Variants in RNF7 observed in about 807,000 individuals in gnomAD.
RNF7 encodes ring finger protein 7.
RNF7 carries 9 observed loss-of-function variants against 17.0 expected under a neutral mutation model. That is an observed-to-expected ratio of 0.53 (90% CI 0.32 to 0.92). The LOEUF (loss-of-function observed/expected upper bound fraction) is 0.92. RNF7 is among the 40% of genes least tolerant of loss of function. RNF7 has a pLI of 0.04. For synonymous variants in RNF7, 59 were observed against 50.5 expected (o/e 1.17, Z -0.72); for missense variants, 87 against 145.8 (o/e 0.60, Z 2.08).
chr3:141,744,418 G>A (rs1235967930), intron 2 of RNF7, among the ~76,000 whole-genome samples: 4 of 151,466 alleles, frequency 2.6e-5, no homozygotes, highest in African/African-American at 9.7e-5. Flanking sequence ...ATATAGCTCA[G>A]TTGATCAAGC....
intron 2 of RNF7, among the ~76,000 whole-genome samples, chr3:141,743,832 G>A (rs1462664060): frequency 6.6e-6 from 1 of 152,054 alleles, no homozygotes; most frequent in Non-Finnish European, 1.5e-5. Flanking sequence ...TTTCTATTAA[G>A]AAAATTATAA....
chr3:141,746,105 T>TA lies in RNF7; in HGVS notation c.*829dup, dbSNP rs992158394. On this transcript the variant is annotated 3_prime_UTR_variant, in exon 3 of 3. Coordinates refer to ENST00000273480, the MANE Select transcript of RNF7 (RefSeq NM_014245.5). ...GATTCTCCTGCCTCAGCCTCCCGAG[T>TA]AGCTGGGATTACAGGTGTGTGCCAC... The TA allele has an allele frequency of 2.6e-5, 4 of 151,814 alleles. No homozygotes were observed. Among genetic ancestry groups the TA allele is most frequent in the African/African-American group, 9.7e-5 (4 of 41,320 alleles). 9.4% of individuals were successfully genotyped at this position (151,814 alleles called of 1,614,324 possible). A position where few individuals can be genotyped will look rare whatever the true frequency, so the allele number is the denominator to read the frequency against.
Position 141,739,996 on chromosome 3 carries a change from A to G in RNF7, c.175+1480A>G, listed in dbSNP as rs536240769. ...CCTTGTTCCTGCCACTGCCACTGCC[A>G]CTATACTCCAGCTTGGGTGACAGAA... On this transcript the variant is annotated intron_variant, in intron 1 of 2. Coordinates refer to ENST00000273480, the MANE Select transcript of RNF7 (RefSeq NM_014245.5). Among the ~76,000 whole-genome samples, 341 of 152,260 alleles carry G rather than the reference A, an allele frequency of 2.2e-3. 1 individual carries two copies. Among genetic ancestry groups the G allele is most frequent in the African/African-American group, 7.8e-3 (323 of 41,550 alleles).
rs1427002380 is a variant in RNF7, at chr3:141,746,927, T to A, written c.*1650T>A. 1 of 152,256 alleles carries A rather than the reference T, an allele frequency of 6.6e-6. No individual in the cohort carries two copies. The highest frequency in any genetic ancestry group is 1.5e-5 in the Non-Finnish European group (1 of 68,046). The allele number at this position is 152,256 out of a possible 1,614,324, so 9.4% of individuals were successfully genotyped here. A position where few individuals can be genotyped will look rare whatever the true frequency, so the allele number is the denominator to read the frequency against. ...TTGGCCATTTAAATGTTTATCATTG[T>A]GCAGTGAACTGTTTTAGTAACTTTC... On this transcript the variant is annotated 3_prime_UTR_variant, in exon 3 of 3. Coordinates refer to ENST00000273480, the MANE Select transcript of RNF7 (RefSeq NM_014245.5).
intron 1 of RNF7, 135 bp from the exon 2 acceptor site, chr3:141,743,374 T>C (rs528953784): frequency 1.7e-5 from 10 of 593,518 alleles, no homozygotes; most frequent in Admixed American, 6.5e-5. Flanking sequence ...TAAGTAGTTA[T>C]GTTCAGATGA....
At chr3:141,741,041 A>G (rs2084411117) in intron 1 of RNF7, among the ~76,000 whole-genome samples, 1 of 152,232 alleles carries the variant, frequency 6.6e-6, no homozygotes, top group Non-Finnish European at 1.5e-5. Flanking sequence ...AAAGGGGAAT[A>G]GGTTTGCTAG....
At chr3:141,743,972 T>G (rs1042270979) in intron 2 of RNF7, among the ~76,000 whole-genome samples, 1 of 152,172 alleles carries the variant, frequency 6.6e-6, no homozygotes, top group African/African-American at 2.4e-5. Context: ...AGTAGAAAAA[T>G]TCTAAGTCTC....
intron 1 of RNF7, chr3:141,742,955 AT>A (rs2084436100): frequency 4.0e-6 from 4 of 997,440 alleles, no homozygotes; most frequent in South Asian, 6.3e-5. Flanking sequence ...CAATTTTTTA[AT>A]TTAATTTTTT....
At chr3:141,742,617 C>G in intron 1 of RNF7, 1 of 1,177,964 alleles carries the variant, frequency 8.5e-7, no homozygotes, top group South Asian at 1.3e-5. Context: ...TATATAAATA[C>G]CTCACAGTAT....
Position 141,745,573 on chromosome 3 carries a change from C to T in RNF7, c.*296C>T, listed in dbSNP as rs1389734949. 1.8e-5 allele frequency: 3 copies of T among 170,874 alleles called. No homozygotes were observed. The East Asian group carries it at 4.7e-4, about 27-fold the overall frequency. 10.6% of individuals were successfully genotyped at this position (170,874 alleles called of 1,614,324 possible). A position where few individuals can be genotyped will look rare whatever the true frequency, so the allele number is the denominator to read the frequency against. On this transcript the variant is annotated 3_prime_UTR_variant, in exon 3 of 3. Coordinates refer to ENST00000273480, the MANE Select transcript of RNF7 (RefSeq NM_014245.5). Reference sequence around the variant, plus strand: ...AAAAGGAAAGAGCTCCAAATTGAATCACCTTTATAATTTACCCATTTCTAT... The same window carrying T: ...AAAAGGAAAGAGCTCCAAATTGAATTACCTTTATAATTTACCCATTTCTAT...
chr3:141,745,126 T>C, intron 2 of RNF7, 33 bp from the exon 3 acceptor site: 1 of 1,376,054 alleles, frequency 7.3e-7, no homozygotes, highest in African/African-American at 1.4e-5. Flanking sequence ...AATTGAAATA[T>C]GTAATGTCAA....
At chr3:141,743,397 A>G (rs1190407245) in intron 1 of RNF7, 112 bp from the exon 2 acceptor site, 2 of 700,456 alleles carry the variant, frequency 2.9e-6, no homozygotes, top group African/African-American at 1.8e-5. Context: ...AATTAATAGT[A>G]TGAGTCTTTA....
chr3:141,740,317 A>G (rs1464681438), intron 1 of RNF7, among the ~76,000 whole-genome samples: 2 of 152,168 alleles, frequency 1.3e-5, no homozygotes, highest in Non-Finnish European at 2.9e-5. Flanking sequence ...TTTGTCTCCC[A>G]AAAAGCTATT....
chr3:141,742,932 C>T, intron 1 of RNF7: 14 of 1,025,596 alleles, frequency 1.4e-5, no homozygotes, highest in African/African-American at 1.7e-5. Flanking sequence ...CTTTAAAAAA[C>T]TTGTTTATGA....
rs745983991 is a variant in RNF7 at position 141,745,585 on chromosome 3, T to C, written c.*308T>C. 1 of 164,718 alleles carries C rather than the reference T, an allele frequency of 6.1e-6. No homozygotes were observed. The highest frequency in any genetic ancestry group is 1.3e-5 in the Non-Finnish European group (1 of 76,514). The allele number at this position is 164,718 out of a possible 1,614,324, so 10.2% of individuals were successfully genotyped here. A position where few individuals can be genotyped will look rare whatever the true frequency, so the allele number is the denominator to read the frequency against. On this transcript the variant is annotated 3_prime_UTR_variant, in exon 3 of 3. Coordinates refer to ENST00000273480, the MANE Select transcript of RNF7 (RefSeq NM_014245.5). ...CTCCAAATTGAATCACCTTTATAAT[T>C]TACCCATTTCTATACAACAGGCAGT...
At chr3:141,738,692 C>G (rs111805180) in intron 1 of RNF7, among the ~76,000 whole-genome samples, 176 bp downstream of exon 1, 7 of 152,232 alleles carry the variant, frequency 4.6e-5, no homozygotes, top group Non-Finnish European at 7.3e-5. Context: ...GCTGCGGCTC[C>G]TGAGGGCTGC....
In RNF7 at chr3:141,745,974, T is replaced by TA. The variant is rs201975550; in HGVS notation, c.*697_*698insA. 17 of 104,564 alleles carry TA rather than the reference T, an allele frequency of 1.6e-4. No individual in the cohort carries two copies. The highest frequency in any genetic ancestry group is 4.4e-3 in the Middle Eastern group (1 of 226). The allele number at this position is 104,564 out of a possible 1,614,324, so 6.5% of individuals were successfully genotyped here. ...TTCTAGTTCTGGTCAGATGATATAA[T>TA]TTTTTTTTTTTTTTTTTGTGGGGGT... On this transcript the variant is annotated 3_prime_UTR_variant, in exon 3 of 3. Transcript: ENST00000273480.
At chr3:141,740,700 G>GT (rs1341394118) in intron 1 of RNF7, among the ~76,000 whole-genome samples, 1 of 152,146 alleles carries the variant, frequency 6.6e-6, no homozygotes, top group Non-Finnish European at 1.5e-5. Flanking sequence ...CCTTAGAAAT[G>GT]TGCTGTTTTA....
In RNF7 at chr3:141,743,529, G is replaced by A; in HGVS notation, c.196G>A (p.Ala66Thr). The A allele has an allele frequency of 6.2e-7, 1 of 1,610,944 alleles. No individual in the cohort carries two copies. Among genetic ancestry groups the A allele is most frequent in the South Asian group, 1.1e-5 (1 of 90,538 alleles). ...QVMDACLRCQAENKQEDCVVV... is the reference protein window; with the variant it reads ...QVMDACLRCQTENKQEDCVVV... ...TTTAGATGCCTGTCTTAGATGTCAA[G>A]CTGAAAACAAACAAGAGGACTGTGT... is the stretch of plus-strand genomic sequence containing the variant. Residue 66 changes from alanine to threonine, a missense_variant, in exon 2 of 3, where the codon GCT becomes ACT. Ala to Thr is a moderately conservative substitution (Grantham distance 58, BLOSUM62 0). Around this residue, in one of 2 missense-constraint regions of RNF7, gnomAD observed 36 missense variants for 104.7 expected, o/e 0.34. Coordinates refer to ENST00000273480, the MANE Select transcript of RNF7 (RefSeq NM_014245.5).
Sources: allele counts gnomAD v4.1 joint callset (sites outside exome capture counted in the v4.1 genomes callset), GRCh38; gene constraint gnomAD v4.1.1; regional missense constraint gnomAD v4.1.1; transcripts MANE v1.5; gene names NCBI Gene and HGNC (gene_info 2026-07-23, HGNC 2026-07-21).